HECW2: variants seen among roughly 807,000 people sequenced by gnomAD.
HECW2 encodes the protein HECT, C2 and WW domain containing E3 ubiquitin protein ligase 2.
HECW2 carries 61 observed loss-of-function variants against 175.2 expected under a neutral mutation model. The ratio of observed to expected loss-of-function variants is 0.35; its 90% confidence interval spans 0.28 to 0.43. The LOEUF is 0.43. Among genes scored for constraint, HECW2 ranks in the 20% least tolerant of loss-of-function variants. The pLI, the probability that HECW2 is intolerant of heterozygous loss-of-function variation, is 1.00. For synonymous variants in HECW2, 671 were observed against 731.0 expected (o/e 0.92, Z 1.32); for missense variants, 1,524 against 2,000.5 (o/e 0.76, Z 4.54).
intron 28 of HECW2, among the ~76,000 whole-genome samples, chr2:196,215,053 T>C (rs1687423288): frequency 6.6e-6 from 1 of 152,232 alleles, no homozygotes; most frequent in Non-Finnish European, 1.5e-5. Flanking sequence ...AGCTCCTTTT[T>C]ACCTCAAAAA....
chr2:196,431,008 A>G (rs1695695058), intron 2 of HECW2, among the ~76,000 whole-genome samples: 1 of 152,220 alleles, frequency 6.6e-6, no homozygotes, highest in South Asian at 2.1e-4. Flanking sequence ...GCTGGAAACC[A>G]AGATAAAGAG....
chr2:196,408,978 T>A (rs139057317), intron 2 of HECW2, among the ~76,000 whole-genome samples: 3 of 152,330 alleles, frequency 2.0e-5, no homozygotes, highest in East Asian at 3.9e-4. Context: ...ATACAATCAA[T>A]GGTGTGCGGG....
intron 2 of HECW2, among the ~76,000 whole-genome samples, chr2:196,370,911 G>A (rs1409435549): frequency 6.6e-6 from 1 of 152,196 alleles, no homozygotes; most frequent in Admixed American, 6.5e-5. Context: ...TAGGGGGGAT[G>A]CAGTGTCAGC....
At chr2:196,461,629 G>A (rs375689331) in intron 1 of HECW2, among the ~76,000 whole-genome samples, 11 of 152,074 alleles carry the variant, frequency 7.2e-5, no homozygotes, top group Admixed American at 1.3e-4. Flanking sequence ...TCAGTATGGC[G>A]GGGGAGGCCT....
intron 2 of HECW2, among the ~76,000 whole-genome samples, chr2:196,416,091 G>A (rs1294429659): frequency 6.6e-6 from 1 of 152,128 alleles, no homozygotes; most frequent in Non-Finnish European, 1.5e-5. Flanking sequence ...AAGAAATTAT[G>A]CTGAAATATT....
chr2:196,494,248 TG>T (rs1172009094), intron 1 of HECW2, among the ~76,000 whole-genome samples: 1 of 152,174 alleles, frequency 6.6e-6, no homozygotes, highest in Non-Finnish European at 1.5e-5. Context: ...GCAACATGTA[TG>T]TCAAGCTGAT....
intron 1 of HECW2, among the ~76,000 whole-genome samples, chr2:196,527,678 A>G (rs958480314): frequency 6.6e-6 from 1 of 152,252 alleles, no homozygotes; most frequent in Non-Finnish European, 1.5e-5. Context: ...AAAATATACA[A>G]AACAGAATAC....
intron 5 of HECW2, among the ~76,000 whole-genome samples, chr2:196,328,066 A>AT (rs397702317): frequency 4.5e-4 from 68 of 151,304 alleles, no homozygotes; most frequent in African/African-American, 8.5e-4. Context: ...CCATAAAAAA[A>AT]TTTTTTTTAC....
chr2:196,219,971 G>T, intron 26 of HECW2, 68 bp downstream of exon 26: 2 of 1,022,098 alleles, frequency 2.0e-6, no homozygotes, highest in Non-Finnish European at 1.5e-6. Context: ...ATATTCAGTT[G>T]GCAAGCTGAA....
intron 1 of HECW2, among the ~76,000 whole-genome samples, chr2:196,440,418 T>A (rs1322048609): frequency 6.6e-6 from 1 of 152,166 alleles, no homozygotes; most frequent in Non-Finnish European, 1.5e-5. Flanking sequence ...TGTAATATAG[T>A]TTTTAGAGTT....
chr2:196,205,195 A>G (rs1687024298), intron 28 of HECW2, among the ~76,000 whole-genome samples: 1 of 152,202 alleles, frequency 6.6e-6, no homozygotes, highest in South Asian at 2.1e-4. Context: ...TGGGGAAAGC[A>G]TATATTGTGG....
intron 21 of HECW2, among the ~76,000 whole-genome samples, chr2:196,233,175 G>A (rs761832826): frequency 6.6e-6 from 1 of 152,166 alleles, no homozygotes; most frequent in African/African-American, 2.4e-5. Context: ...CAGTTAGGTT[G>A]GTTCCACAGC....
At chr2:196,569,422 T>C (rs1285452697) in intron 1 of HECW2, among the ~76,000 whole-genome samples, 2 of 152,112 alleles carry the variant, frequency 1.3e-5, no homozygotes, top group Non-Finnish European at 2.9e-5. Context: ...TTCTCCTTAA[T>C]AAATAAATAC....
chr2:196,566,548 T>G (rs1322370910), intron 1 of HECW2, among the ~76,000 whole-genome samples: 1 of 150,906 alleles, frequency 6.6e-6, no homozygotes, highest in Non-Finnish European at 1.5e-5. Context: ...TTTTTTTTTT[T>G]GAAATGGAAT....
At chr2:196,549,434 C>T (rs911803985) in intron 1 of HECW2, among the ~76,000 whole-genome samples, 6 of 151,990 alleles carry the variant, frequency 3.9e-5, no homozygotes, top group South Asian at 2.1e-4. Context: ...GTGAGTGAAA[C>T]GATATTGTAA....
chr2:196,521,273 CGTGA>C (rs1575629995), intron 1 of HECW2, among the ~76,000 whole-genome samples: 3 of 84,746 alleles, frequency 3.5e-5, no homozygotes, highest in East Asian at 3.1e-4. Flanking sequence ...CACTAGGAAA[CGTGA>C]GTAACAAAAA....
chr2:196,406,282 C>T (rs1380784876), intron 2 of HECW2, among the ~76,000 whole-genome samples: 1 of 152,182 alleles, frequency 6.6e-6, no homozygotes, highest in African/African-American at 2.4e-5. Context: ...CCCATAATTA[C>T]TTTTCCTTCA....
chr2:196,560,873 C>A (rs1168485276), intron 1 of HECW2, among the ~76,000 whole-genome samples: 1 of 152,212 alleles, frequency 6.6e-6, no homozygotes, highest in Non-Finnish European at 1.5e-5. Flanking sequence ...ATCTCTTAAT[C>A]CTGTCATCTT....
At chr2:196,266,168 TAAA>T (rs56260949) in intron 17 of HECW2, among the ~76,000 whole-genome samples, 24,421 of 135,114 alleles carry the variant, frequency 0.18, 2,831 homozygotes, top group South Asian at 0.38. Context: ...CCATCTCTAT[TAAA>T]AAAAAAAAAA....
Sources: gnomAD v4.1 joint callset for allele counts (sites outside exome capture counted in the v4.1 genomes callset) on GRCh38, gnomAD v4.1.1 for gene constraint, MANE v1.5 for transcripts, NCBI Gene and HGNC (gene_info 2026-07-23, HGNC 2026-07-21) for gene names.